The following SEMA5A variants were observed in gnomAD, a reference collection of about 807,000 sequenced individuals.
The protein encoded by SEMA5A is semaphorin-5A.
In SEMA5A, 55 loss-of-function variants were observed where a neutral mutation model predicts 135.5. The ratio of observed to expected loss-of-function variants is 0.41; its 90% CI spans 0.33 to 0.51. SEMA5A has a LOEUF of 0.51. Ranked by LOEUF, SEMA5A falls within the 20% of genes least tolerant of loss-of-function variation. The pLI, the probability that SEMA5A is intolerant of heterozygous loss-of-function variation, is 0.37. For synonymous variants in SEMA5A, 580 were observed against 546.5 expected, an observed-to-expected ratio of 1.06 and a Z score of -0.85; for missense variants, 1,290 against 1,419.9, an observed-to-expected ratio of 0.91 and a Z score of 1.47.
At chr5:9,073,647 A>G (rs1737888594) in intron 16 of SEMA5A, among the ~76,000 whole-genome samples, 1 of 152,140 alleles carries the variant, frequency 6.6e-6, no homozygotes, top group South Asian at 2.1e-4. Context: ...ATCCATATTA[A>G]AAGTAAGAAA....
At chr5:9,265,580 A>C (rs1448483105) in intron 5 of SEMA5A, 1 of 455,988 alleles carries the variant, frequency 2.2e-6, no homozygotes, top group Non-Finnish European at 4.4e-6. Flanking sequence ...TGCTGATCTC[A>C]TCTGTCCAGT....
chr5:9,288,209 C>T (rs1219212047), intron 5 of SEMA5A, among the ~76,000 whole-genome samples: 2 of 152,206 alleles, frequency 1.3e-5, no homozygotes, highest in African/African-American at 4.8e-5. Context: ...GACAAGACAA[C>T]TATCAACAAA....
Position 9,108,171 on chromosome 5 carries a change from T to C in SEMA5A, c.2042A>G (p.Glu681Gly). The C allele has an allele frequency of 1.2e-6, 2 of 1,614,166 alleles. No homozygotes were observed. Among genetic ancestry groups the C allele is most frequent in the African/African-American group, 1.3e-5 (1 of 75,046 alleles). Residue 681 changes from glutamate (E) to glycine (G), a missense_variant, in exon 16 of 23, where the codon GAG (glutamate) becomes GGG (glycine). Physicochemically the swap from Glu to Gly is moderately conservative, Grantham distance 98 (BLOSUM62 -2). Around this residue, in one of 3 missense-constraint regions of SEMA5A, gnomAD observed 1,029 missense variants for 1,086.6 expected, o/e 0.95. Transcript: ENST00000382496. ...GGIQARRRIC[E>G]NGPDCAGCNV... ...GCAGCCTGCACAGTCAGGCCCATTCTCACAGATCCTGCGGCGAGCTTGAAT... is the reference window on the plus strand; with the variant it reads ...GCAGCCTGCACAGTCAGGCCCATTCCCACAGATCCTGCGGCGAGCTTGAAT...
intron 1 of SEMA5A, among the ~76,000 whole-genome samples, chr5:9,473,667 G>C (rs1271845567): frequency 1.3e-5 from 2 of 152,140 alleles, no homozygotes; most frequent in Admixed American, 1.3e-4. Flanking sequence ...AGAAGAGAAA[G>C]AAACAGGCTC....
intron 11 of SEMA5A, among the ~76,000 whole-genome samples, chr5:9,177,337 G>A (rs1023809029): frequency 6.6e-6 from 1 of 152,192 alleles, no homozygotes; most frequent in African/African-American, 2.4e-5. Flanking sequence ...TGCTTTAAAT[G>A]ATGGAGTCAT....
chr5:9,305,374 A>G (rs1259926815), intron 5 of SEMA5A, among the ~76,000 whole-genome samples: 1 of 152,066 alleles, frequency 6.6e-6, no homozygotes, highest in Non-Finnish European at 1.5e-5. Context: ...CTAATTTCAG[A>G]AGACATTCAT....
intron 11 of SEMA5A, among the ~76,000 whole-genome samples, chr5:9,188,446 G>A (rs1744920529): frequency 6.6e-6 from 1 of 152,152 alleles, no homozygotes; most frequent in Non-Finnish European, 1.5e-5. Context: ...AAGCAAACAT[G>A]ACCTACTTGG....
intron 5 of SEMA5A, among the ~76,000 whole-genome samples, chr5:9,268,729 CATAA>C (rs1749815516): frequency 6.6e-6 from 1 of 152,130 alleles, no homozygotes; most frequent in Non-Finnish European, 1.5e-5. Flanking sequence ...CATCACACTT[CATAA>C]ATAATCACCT....
chr5:9,101,953 C>A (rs1739655568), intron 16 of SEMA5A, among the ~76,000 whole-genome samples: 1 of 152,156 alleles, frequency 6.6e-6, no homozygotes, highest in Non-Finnish European at 1.5e-5. Flanking sequence ...GTATCCACAG[C>A]TTAGCATATA....
At chr5:9,504,224 G>GAA (rs756036470) in intron 1 of SEMA5A, among the ~76,000 whole-genome samples, 28 of 104,418 alleles carry the variant, frequency 2.7e-4, no homozygotes, top group East Asian at 5.4e-4. Context: ...AAAAAAAAAA[G>GAA]AAAAAAAAAA....
intron 4 of SEMA5A, among the ~76,000 whole-genome samples, chr5:9,323,657 CTTTTTTT>C (rs35243676): frequency 1.4e-4 from 15 of 108,948 alleles, no homozygotes; most frequent in African/African-American, 7.3e-5. Context: ...TCTTTTTTTC[CTTTTTTT>C]TTTTTTTTTT....
chr5:9,335,238 T>A (rs187105956), intron 4 of SEMA5A, among the ~76,000 whole-genome samples: 155 of 151,706 alleles, frequency 1.0e-3, no homozygotes, highest in African/African-American at 3.6e-3. Flanking sequence ...CTAGGGATAC[T>A]GAGAGAGAGA....
chr5:9,299,351 C>T (rs1751495985), intron 5 of SEMA5A, among the ~76,000 whole-genome samples: 1 of 152,250 alleles, frequency 6.6e-6, no homozygotes, highest in East Asian at 1.9e-4. Context: ...AGAAGATGTT[C>T]AGTGTCGAGC....
At chr5:9,327,367 C>A (rs10474843) in intron 4 of SEMA5A, among the ~76,000 whole-genome samples, 5 of 152,208 alleles carry the variant, frequency 3.3e-5, no homozygotes, top group Admixed American at 2.6e-4. Flanking sequence ...AATACTGTTA[C>A]GTGTGTCTGG....
chr5:9,387,636 T>C (rs532366576), intron 2 of SEMA5A, among the ~76,000 whole-genome samples: 4 of 152,344 alleles, frequency 2.6e-5, no homozygotes, highest in Admixed American at 2.6e-4. Context: ...ATGTATTAAA[T>C]GAATCTATGC....
Position 9,509,476 on chromosome 5 carries a change from T to C in SEMA5A, c.-175+36108A>G, listed in dbSNP as rs575428549. ...TTTTAGTAGAGACAGGTTTTCATCA[T>C]ATTGGTCAGGCTGGTCTCGAACCCC... is the stretch of plus-strand genomic sequence containing the variant. On this transcript the variant is annotated intron_variant, in intron 1 of 22. Coordinates refer to ENST00000382496, the MANE Select transcript of SEMA5A (RefSeq NM_003966.3). 4.6e-5 allele frequency among the ~76,000 whole-genome samples: 7 copies of C among 152,116 alleles called. No individual in the cohort carries two copies. In the East Asian group the frequency reaches 1.4e-3, roughly 30 times the overall value.
Position 9,041,005 on chromosome 5 carries a change from A to G in SEMA5A, c.*1892T>C, listed in dbSNP as rs544433270. ...TTTCCCCTACTGAGTATGGACTTTG[A>G]GCATGTGCATATAGACAGAAGACTC... On this transcript the variant is annotated 3_prime_UTR_variant, in exon 23 of 23. Coordinates refer to ENST00000382496, the MANE Select transcript of SEMA5A (RefSeq NM_003966.3). 6.6e-6 allele frequency: 1 copy of G among 152,310 alleles called. No homozygotes were observed. Among genetic ancestry groups the G allele is most frequent in the African/African-American group, 2.4e-5 (1 of 41,566 alleles). 9.4% of individuals were successfully genotyped at this position (152,310 alleles called of 1,614,324 possible). A position where few individuals can be genotyped will look rare whatever the true frequency, so the allele number is the denominator to read the frequency against.
intron 3 of SEMA5A, among the ~76,000 whole-genome samples, chr5:9,368,319 A>AAT (rs759825954): frequency 3.3e-5 from 5 of 152,232 alleles, no homozygotes; most frequent in Non-Finnish European, 7.3e-5. Flanking sequence ...TTTCTAAAGC[A>AAT]ATATGATTAC....
intron 1 of SEMA5A, among the ~76,000 whole-genome samples, chr5:9,487,026 A>G (rs1734769451): frequency 6.6e-6 from 1 of 152,216 alleles, no homozygotes; most frequent in African/African-American, 2.4e-5. Flanking sequence ...CTGAAAAAAA[A>G]AAACTAGTAG....
Sources: allele counts gnomAD v4.1 joint callset (sites outside exome capture counted in the v4.1 genomes callset), GRCh38; gene constraint gnomAD v4.1.1; regional missense constraint gnomAD v4.1.1; transcripts MANE v1.5; gene names NCBI Gene and HGNC (gene_info 2026-07-23, HGNC 2026-07-21).